Variants in DOCK5 observed in about 807,000 individuals in gnomAD.
DOCK5 encodes the protein dedicator of cytokinesis protein 5.
DOCK5 carries 142 observed loss-of-function variants against 251.8 expected under a neutral mutation model. The ratio of observed to expected loss-of-function variants is 0.56; its 90% CI spans 0.49 to 0.65. The LOEUF (loss-of-function observed/expected upper bound fraction) is 0.65, where lower values mean the gene tolerates loss of function less well. DOCK5 is among the 30% of genes least tolerant of loss of function. DOCK5 has a pLI of 0.00. For missense variants in DOCK5, 2,111 were observed against 2,312.3 expected (o/e 0.91, Z 1.79); for synonymous variants, 842 against 835.5 (o/e 1.01, Z -0.13).
At chr8:25,367,211 C>T (rs910157745) in intron 31 of DOCK5, among the ~76,000 whole-genome samples, 7 of 152,194 alleles carry the variant, frequency 4.6e-5, no homozygotes, top group Admixed American at 6.5e-5. Context: ...TACCTGGAGA[C>T]GGACCTTGGC....
intron 1 of DOCK5, among the ~76,000 whole-genome samples, chr8:25,213,444 T>C (rs1802153440): frequency 6.6e-6 from 1 of 151,848 alleles, no homozygotes; most frequent in South Asian, 2.1e-4. Context: ...TAACCTTTCC[T>C]TTGTGTGCGT....
At chr8:25,317,747 A>C (rs1805295954) in intron 14 of DOCK5, among the ~76,000 whole-genome samples, 1 of 152,098 alleles carries the variant, frequency 6.6e-6, no homozygotes, top group South Asian at 2.1e-4. Context: ...AGTAGCTGGG[A>C]CTACAAGCGC....
chr8:25,297,379 T>C (rs2117160056), intron 7 of DOCK5, among the ~76,000 whole-genome samples: 1 of 152,248 alleles, frequency 6.6e-6, no homozygotes, highest in South Asian at 2.1e-4. Flanking sequence ...TGCCTCAGCC[T>C]TCCGAGTAGC....
chr8:25,407,864 CAAAAAAA>C (rs10606113), intron 48 of DOCK5, 112 bp from the exon 49 acceptor site: 11,781 of 967,930 alleles, frequency 0.012, no homozygotes, highest in South Asian at 0.025. Context: ...GACCCTGTCT[CAAAAAAA>C]AAAAAAAAAA....
At chr8:25,359,915 C>T (rs539996409) in intron 28 of DOCK5, among the ~76,000 whole-genome samples, 1 of 152,344 alleles carries the variant, frequency 6.6e-6, no homozygotes, top group East Asian at 1.9e-4. Context: ...TGAGTTAGGC[C>T]TCCGGCTGTG....
chr8:25,332,351 A>G lies in DOCK5; in HGVS notation c.2001+3A>G, dbSNP rs1214603141. On this transcript the variant is annotated splice_donor_region_variant and intron_variant, in intron 19 of 51. Coordinates refer to ENST00000276440, the MANE Select transcript of DOCK5 (RefSeq NM_024940.8). ...TGGATGGAGGAGAGATTGTTAAGGT[A>G]TGTTTATATATTCATAGTTAGAAAT... 4 of 1,606,504 alleles carry G rather than the reference A, an allele frequency of 2.5e-6. No homozygotes were observed. Among genetic ancestry groups the G allele is most frequent in the Admixed American group, 1.7e-5 (1 of 59,896 alleles).
intron 1 of DOCK5, among the ~76,000 whole-genome samples, chr8:25,189,482 C>T (rs186666234): frequency 6.6e-5 from 10 of 152,158 alleles, no homozygotes; most frequent in African/African-American, 1.4e-4. Context: ...AGCCTCAGCC[C>T]GCTGAGAGCT....
intron 17 of DOCK5, among the ~76,000 whole-genome samples, 188 bp downstream of exon 17, chr8:25,324,139 G>A (rs997226169): frequency 2.0e-4 from 30 of 152,206 alleles, no homozygotes; most frequent in African/African-American, 4.8e-4. Context: ...TTTCTGGAGA[G>A]AGTGAGTTGC....
Position 25,414,429 on chromosome 8 carries a change from C to T in DOCK5, c.*3131C>T, listed in dbSNP as rs775912478. ...CCAGAATTGCAGTCATTTTCTTCTG[C>T]CAAGGAAATCCATTAAAAACTGCAG... On this transcript the variant is annotated 3_prime_UTR_variant, in exon 52 of 52. Coordinates refer to ENST00000276440, the MANE Select transcript of DOCK5 (RefSeq NM_024940.8). 7 of 152,156 alleles carry T rather than the reference C, an allele frequency of 4.6e-5. No individual in the cohort carries two copies. Among genetic ancestry groups the T allele is most frequent in the Non-Finnish European group, 1.0e-4 (7 of 68,052 alleles). The allele number at this position is 152,156 out of a possible 1,614,324, so 9.4% of individuals were successfully genotyped here. A position where few individuals can be genotyped will look rare whatever the true frequency, so the allele number is the denominator to read the frequency against.
chr8:25,241,009 G>C (rs1245460471), intron 1 of DOCK5, among the ~76,000 whole-genome samples: 1 of 152,188 alleles, frequency 6.6e-6, no homozygotes, highest in African/African-American at 2.4e-5. Context: ...TCTCAGGTGT[G>C]TCTCTCAGCT....
At chr8:25,340,661 A>C (rs1436927852) in intron 22 of DOCK5, among the ~76,000 whole-genome samples, 1 of 152,208 alleles carries the variant, frequency 6.6e-6, no homozygotes, top group Non-Finnish European at 1.5e-5. Context: ...AAAGTGGAAC[A>C]AATGGTTTTG....
chr8:25,187,000 A>T (rs1801444762), intron 1 of DOCK5, among the ~76,000 whole-genome samples: 1 of 151,716 alleles, frequency 6.6e-6, no homozygotes, highest in Non-Finnish European at 1.5e-5. Flanking sequence ...AGGAGTTCAA[A>T]ACTAGCATAG....
Position 25,336,304 on chromosome 8 carries a change from T to C in DOCK5, c.2258T>C (p.Leu753Pro), listed in dbSNP as rs891509630. 6.2e-7 allele frequency: 1 copy of C among 1,613,946 alleles called. No individual in the cohort carries two copies. The highest frequency in any genetic ancestry group is 1.3e-5 in the African/African-American group (1 of 75,042). ...NADDSSKTEL[L>P]FAALKALKYL... Reference sequence around the variant, plus strand: ...GATGACTCCAGCAAGACTGAACTGCTTTTTGCTGCGTTGAAAGCCTTGAAG... The same window carrying C: ...GATGACTCCAGCAAGACTGAACTGCCTTTTGCTGCGTTGAAAGCCTTGAAG... Residue 753 changes from leucine to proline, a missense_variant, in exon 22 of 52, where the codon CTT (leucine) becomes CCT (proline). Coordinates refer to ENST00000276440, the MANE Select transcript of DOCK5 (RefSeq NM_024940.8).
At chr8:25,364,899 T>G in intron 30 of DOCK5, 195 bp downstream of exon 30, 1 of 463,690 alleles carries the variant, frequency 2.2e-6, no homozygotes, top group Non-Finnish European at 3.8e-6. Context: ...GTTTCTTCTT[T>G]CTATAAAGGT....
rs148691535 is a variant in DOCK5, at chr8:25,345,495, C to G, written c.2638C>G (p.Pro880Ala). 3.1e-6 allele frequency: 5 copies of G among 1,613,822 alleles called. No homozygotes were observed. The highest frequency in any genetic ancestry group is 4.2e-6 in the Non-Finnish European group (5 of 1,179,872). ...CTCAGAGTGCAGAGAAGTGCTGCTGCCACTGCTGACAGACCAGCTCAGCGG... is the reference window on the plus strand; with the variant it reads ...CTCAGAGTGCAGAGAAGTGCTGCTGGCACTGCTGACAGACCAGCTCAGCGG... The part of the protein sequence containing the change: ...RQSECREVLL[P>A]LLTDQLSGQL... The change falls in exon 26 of 52, where the codon CCA becomes GCA. Residue 880 changes from proline (P) to alanine (A), a missense_variant. This residue lies in a region of DOCK5 where 1,717 missense variants were observed against 1,892.4 expected (regional missense o/e 0.91). Transcript: ENST00000276440.
chr8:25,315,624 C>T (rs1805225066), intron 13 of DOCK5, among the ~76,000 whole-genome samples: 2 of 152,246 alleles, frequency 1.3e-5, no homozygotes, highest in Admixed American at 1.3e-4. Context: ...TCCATGTTTC[C>T]ACTTTTATAA....
intron 2 of DOCK5, among the ~76,000 whole-genome samples, chr8:25,244,937 T>C (rs560575260): frequency 6.6e-6 from 1 of 152,360 alleles, no homozygotes; most frequent in African/African-American, 2.4e-5. Context: ...CTACTGCTTA[T>C]TCTCACCATC....
At chr8:25,324,050 A>G (rs1438957486) in intron 17 of DOCK5, 99 bp downstream of exon 17, 2 of 1,332,648 alleles carry the variant, frequency 1.5e-6, no homozygotes, top group East Asian at 2.5e-5. Flanking sequence ...AAACCTTTCT[A>G]GAGCTTTCTG....
chr8:25,329,439 A>T (rs1251968619), intron 18 of DOCK5, among the ~76,000 whole-genome samples: 1 of 152,160 alleles, frequency 6.6e-6, no homozygotes, highest in Non-Finnish European at 1.5e-5. Context: ...AGTACTATAC[A>T]GTCTACAGTA....
Sources: gnomAD v4.1 joint callset for allele counts (sites outside exome capture counted in the v4.1 genomes callset) on GRCh38, gnomAD v4.1.1 for gene constraint, gnomAD v4.1.1 regional missense constraint, MANE v1.5 for transcripts, NCBI Gene and HGNC (gene_info 2026-07-23, HGNC 2026-07-21) for gene names.